Variants in PID1 observed in about 807,000 individuals in gnomAD.
PID1 encodes the protein PTB-containing, cubilin and LRP1-interacting protein.
Under a neutral mutation model 19.1 loss-of-function variants are expected in PID1, and 10 were observed. The observed-to-expected ratio is 0.52, with a 90% CI of 0.32 to 0.89. The LOEUF is 0.89. PID1 is among the 40% of genes least tolerant of loss of function. The pLI is 0.03. For missense variants in PID1, 248 were observed against 285.3 expected (o/e 0.87, Z 0.94); for synonymous variants, 130 against 116.0 (o/e 1.12, Z -0.78).
chr2:229,156,834 G>A (rs945080579), intron 1 of PID1, among the ~76,000 whole-genome samples: 2 of 152,142 alleles, frequency 1.3e-5, no homozygotes, highest in Non-Finnish European at 2.9e-5. Flanking sequence ...CTACCTCTCT[G>A]ATTTCATCCT....
intron 1 of PID1, among the ~76,000 whole-genome samples, chr2:229,164,373 G>A (rs1041972434): frequency 6.6e-6 from 1 of 151,644 alleles, no homozygotes; most frequent in Non-Finnish European, 1.5e-5. Context: ...ATTGAACTAA[G>A]AGGGTGTGAG....
intron 1 of PID1, among the ~76,000 whole-genome samples, chr2:229,240,119 C>G (rs752739766): frequency 6.6e-6 from 1 of 152,134 alleles, no homozygotes; most frequent in Non-Finnish European, 1.5e-5. Flanking sequence ...TAAAACGTCA[C>G]ATTTTCATTA....
In PID1 at chr2:229,236,773, G is replaced by T. The variant is rs150419622; in HGVS notation, c.30+34241C>A. Among the ~76,000 whole-genome samples, 548 of 152,130 alleles carry T rather than the reference G, an allele frequency of 3.6e-3. 1 individual carries two copies. Among genetic ancestry groups the T allele is most frequent in the African/African-American group, 0.013 (533 of 41,480 alleles). On this transcript the variant is annotated intron_variant, in intron 1 of 2. Transcript: ENST00000392055. ...ATGTGGAAGACGATGGGTTACAGAA[G>T]ACAGATAAAGCCACAGTAATTATCA...
At chr2:229,166,925 TA>T (rs576794415) in intron 1 of PID1, among the ~76,000 whole-genome samples, 10 of 132,422 alleles carry the variant, frequency 7.6e-5, no homozygotes, top group South Asian at 2.3e-4. Context: ...AACCCTAGAC[TA>T]AAAAAAATAT....
chr2:229,093,503 T>A (rs980120900), intron 2 of PID1, among the ~76,000 whole-genome samples: 3 of 151,688 alleles, frequency 2.0e-5, no homozygotes, highest in Non-Finnish European at 2.9e-5. Flanking sequence ...GAAGCACCAG[T>A]GGTCTGCAAT....
chr2:229,050,655 C>T (rs181109876), intron 2 of PID1, among the ~76,000 whole-genome samples: 40 of 152,118 alleles, frequency 2.6e-4, no homozygotes, highest in African/African-American at 9.2e-4. Context: ...ATGCAATAGA[C>T]TTGCACAGGA....
At chr2:229,133,770 CTTTT>C (rs1008654020) in intron 2 of PID1, among the ~76,000 whole-genome samples, 2 of 148,484 alleles carry the variant, frequency 1.3e-5, no homozygotes, top group Middle Eastern at 3.3e-3. Context: ...CTGGACAATT[CTTTT>C]TTTTTTCTTT....
At chr2:229,103,477 G>T (rs1170412054) in intron 2 of PID1, among the ~76,000 whole-genome samples, 1 of 151,942 alleles carries the variant, frequency 6.6e-6, no homozygotes, top group Non-Finnish European at 1.5e-5. Context: ...TTCACTGTGT[G>T]CAAGAAATAA....
chr2:229,042,944 A>ATT (rs1334320967), intron 2 of PID1, among the ~76,000 whole-genome samples: 1 of 151,184 alleles, frequency 6.6e-6, no homozygotes, highest in Non-Finnish European at 1.5e-5. Flanking sequence ...CTTTTTTTTA[A>ATT]TTTTTTTTGA....
At chr2:229,142,248 T>G (rs1021278382) in intron 2 of PID1, among the ~76,000 whole-genome samples, 1 of 152,152 alleles carries the variant, frequency 6.6e-6, no homozygotes, top group African/African-American at 2.4e-5. Flanking sequence ...TGAAAGTAAC[T>G]TAAGTGTCAC....
chr2:229,099,140 A>C (rs1053228527), intron 2 of PID1, among the ~76,000 whole-genome samples: 2 of 152,216 alleles, frequency 1.3e-5, no homozygotes, highest in African/African-American at 4.8e-5. Context: ...TTCAAAGACC[A>C]ACATGCCCCT....
chr2:229,219,154 CTTAT>C (rs1691911436), intron 1 of PID1, among the ~76,000 whole-genome samples: 1 of 152,154 alleles, frequency 6.6e-6, no homozygotes, highest in Admixed American at 6.6e-5. Context: ...TATTTACTTA[CTTAT>C]TTATTCTTTA....
chr2:229,215,162 C>G (rs556731914), intron 1 of PID1, among the ~76,000 whole-genome samples: 2 of 152,306 alleles, frequency 1.3e-5, no homozygotes, highest in South Asian at 4.1e-4. Context: ...TTGCCTGATA[C>G]GATAGTTGGG....
In PID1 at chr2:229,152,762, T is replaced by C. The variant is rs142342608; in HGVS notation, c.177+3056A>G. On this transcript the variant is annotated intron_variant, in intron 2 of 2. Transcript: ENST00000392055. ...CAATCCCGTCAGGACCCACGGAGAATACAGATCAGCAGAAAATGGGAAATC... is the reference window on the plus strand; with the variant it reads ...CAATCCCGTCAGGACCCACGGAGAACACAGATCAGCAGAAAATGGGAAATC... 9.0e-3 allele frequency among the ~76,000 whole-genome samples: 1,360 copies of C among 151,720 alleles called. 15 individuals carry two copies. The highest frequency in any genetic ancestry group is 0.014 in the Non-Finnish European group (938 of 67,942).
chr2:229,262,897 A>G (rs1029279165), intron 1 of PID1: 1 of 1,508,680 alleles, frequency 6.6e-7, no homozygotes, highest in Non-Finnish European at 8.9e-7. Flanking sequence ...ATCTCTCCTT[A>G]TAAGGACATT....
intron 1 of PID1, among the ~76,000 whole-genome samples, chr2:229,206,576 T>C (rs538612428): frequency 8.3e-4 from 127 of 152,324 alleles, no homozygotes; most frequent in Middle Eastern, 3.4e-3. Flanking sequence ...TGTTTTTATG[T>C]TCTAAGCTAA....
chr2:229,218,247 A>AT (rs1283967187), intron 1 of PID1, among the ~76,000 whole-genome samples: 1 of 139,390 alleles, frequency 7.2e-6, no homozygotes, highest in Non-Finnish European at 1.5e-5. Flanking sequence ...AGATTCATGA[A>AT]TTTTTTATCA....
intron 2 of PID1, among the ~76,000 whole-genome samples, chr2:229,062,055 C>T (rs536773448): frequency 2.1e-4 from 31 of 150,878 alleles, no homozygotes; most frequent in African/African-American, 7.4e-4. Flanking sequence ...AATTTCACTT[C>T]TTCCTTTCCT....
In PID1 at chr2:229,215,978, A is replaced by T. The variant is rs1000830572; in HGVS notation, c.30+55036T>A. On this transcript the variant is annotated intron_variant, in intron 1 of 2. Transcript: ENST00000392055. The stretch of plus-strand genomic sequence containing the variant: ...TGAGACAGCAGAATCACCTCTGCAG[A>T]ACGTGGTCTGGAAATCACTGAATAC... Among the ~76,000 whole-genome samples the T allele has an allele frequency of 4.6e-5, 7 of 152,350 alleles. No homozygotes were observed. In the South Asian group the frequency reaches 1.2e-3, roughly 27 times the overall value.
Sources: allele counts gnomAD v4.1 joint callset (sites outside exome capture counted in the v4.1 genomes callset), GRCh38; gene constraint gnomAD v4.1.1; transcripts MANE v1.5; gene names NCBI Gene and HGNC (gene_info 2026-07-23, HGNC 2026-07-21).